CHCHD6: variants seen among roughly 807,000 people sequenced by gnomAD.
The protein encoded by CHCHD6 is MICOS complex subunit MIC25.
In CHCHD6, 28 loss-of-function variants were observed where a neutral mutation model predicts 32.3. That is an observed-to-expected ratio of 0.87 (90% confidence interval 0.64 to 1.19). The LOEUF is 1.19. CHCHD6 is among the 50% of genes most tolerant of loss of function. The probability of loss-of-function intolerance (pLI) is 0.00; values close to 1 mark genes in which losing one functional copy is unlikely to be tolerated. For missense variants in CHCHD6, 333 were observed against 307.0 expected (o/e 1.08, Z -0.63); for synonymous variants, 122 against 117.5 (o/e 1.04, Z -0.25).
chr3:126,846,492 C>A (rs1559877852), intron 4 of CHCHD6, among the ~76,000 whole-genome samples: 1 of 152,128 alleles, frequency 6.6e-6, no homozygotes, highest in Non-Finnish European at 1.5e-5. Context: ...AAGGGATCCA[C>A]ACTTAAGTAC....
chr3:126,953,374 G>T (rs1273211555), intron 6 of CHCHD6, among the ~76,000 whole-genome samples: 2 of 152,202 alleles, frequency 1.3e-5, no homozygotes, highest in Non-Finnish European at 2.9e-5. Context: ...CAGAGCTTAC[G>T]CTGTAGAGGG....
chr3:126,908,209 C>T (rs1157634802), intron 5 of CHCHD6, among the ~76,000 whole-genome samples: 2 of 152,148 alleles, frequency 1.3e-5, no homozygotes, highest in African/African-American at 4.8e-5. Flanking sequence ...CTGTTTGGCT[C>T]CTGCATTCTC....
At chr3:126,709,172 A>T (rs1934639839) in intron 1 of CHCHD6, among the ~76,000 whole-genome samples, 1 of 152,054 alleles carries the variant, frequency 6.6e-6, no homozygotes, top group Non-Finnish European at 1.5e-5. Context: ...CTTTTTCTCA[A>T]ATGTTTTCCT....
chr3:126,816,804 C>A (rs1019876427), intron 4 of CHCHD6, among the ~76,000 whole-genome samples: 3 of 151,958 alleles, frequency 2.0e-5, no homozygotes, highest in Non-Finnish European at 4.4e-5. Flanking sequence ...TGTTGGTGTG[C>A]TGCACCCGTT....
intron 4 of CHCHD6, among the ~76,000 whole-genome samples, chr3:126,770,223 T>C (rs1937519307): frequency 6.6e-6 from 1 of 152,220 alleles, no homozygotes; most frequent in Non-Finnish European, 1.5e-5. Context: ...AAGTTGTTTA[T>C]CAGATCAGGG....
chr3:126,857,856 G>C (rs139544452), intron 5 of CHCHD6, among the ~76,000 whole-genome samples: 1 of 152,350 alleles, frequency 6.6e-6, no homozygotes, highest in South Asian at 2.1e-4. Flanking sequence ...CATTGGTGGA[G>C]TGTAAGTTGG....
chr3:126,787,019 A>T (rs929714259), intron 4 of CHCHD6, among the ~76,000 whole-genome samples: 14 of 152,210 alleles, frequency 9.2e-5, no homozygotes, highest in African/African-American at 3.1e-4. Context: ...TAAGGAAAGG[A>T]TCCAGTTTCA....
At chr3:126,723,605 A>G (rs1009804609) in intron 1 of CHCHD6, among the ~76,000 whole-genome samples, 2 of 152,214 alleles carry the variant, frequency 1.3e-5, no homozygotes, top group African/African-American at 4.8e-5. Flanking sequence ...TTTCCGTGAC[A>G]GTGTATGTGT....
At chr3:126,778,616 C>A (rs988240502) in intron 4 of CHCHD6, among the ~76,000 whole-genome samples, 4 of 152,100 alleles carry the variant, frequency 2.6e-5, no homozygotes, top group Admixed American at 1.3e-4. Flanking sequence ...GATTATTTGT[C>A]TTTTTGCTGT....
chr3:126,809,856 C>T (rs1028324574), intron 4 of CHCHD6, among the ~76,000 whole-genome samples: 4 of 152,158 alleles, frequency 2.6e-5, no homozygotes, highest in Non-Finnish European at 5.9e-5. Flanking sequence ...TCAATTTTAG[C>T]AGAATTCATG....
intron 5 of CHCHD6, among the ~76,000 whole-genome samples, chr3:126,873,957 T>C (rs1026574033): frequency 6.6e-6 from 1 of 152,206 alleles, no homozygotes. Flanking sequence ...CTTGCCTCCA[T>C]TGTTGAAGCT....
chr3:126,803,700 C>T (rs1272615704), intron 4 of CHCHD6, among the ~76,000 whole-genome samples: 1 of 152,008 alleles, frequency 6.6e-6, no homozygotes, highest in East Asian at 1.9e-4. Context: ...GAACTTGGCT[C>T]TGCCAAGCAG....
intron 4 of CHCHD6, among the ~76,000 whole-genome samples, chr3:126,816,774 A>G (rs1310116465): frequency 6.6e-6 from 1 of 152,080 alleles, no homozygotes; most frequent in Non-Finnish European, 1.5e-5. Context: ...CAGGTTTGTT[A>G]CATATGTATA....
intron 5 of CHCHD6, among the ~76,000 whole-genome samples, chr3:126,863,380 TCTA>T (rs1216640601): frequency 2.4e-5 from 2 of 82,296 alleles, no homozygotes; most frequent in African/African-American, 1.0e-4. Flanking sequence ...CTCCTCCTCC[TCTA>T]CCATCACCAC....
At chr3:126,753,016 C>T (rs1936793391) in intron 4 of CHCHD6, among the ~76,000 whole-genome samples, 1 of 152,120 alleles carries the variant, frequency 6.6e-6, no homozygotes, top group African/African-American at 2.4e-5. Flanking sequence ...GGACTGCTTC[C>T]CCAGCTGGCA....
intron 4 of CHCHD6, among the ~76,000 whole-genome samples, chr3:126,757,692 C>A (rs1229033724): frequency 2.6e-5 from 4 of 152,126 alleles, no homozygotes; most frequent in Non-Finnish European, 4.4e-5. Context: ...AAACTTAATA[C>A]CTTCTGGACA....
chr3:126,832,551 C>G (rs1940687957), intron 4 of CHCHD6, among the ~76,000 whole-genome samples: 2 of 152,202 alleles, frequency 1.3e-5, no homozygotes. Flanking sequence ...GCTTAAACCT[C>G]TCAGATTCTG....
chr3:126,767,450 T>C (rs1937421655), intron 4 of CHCHD6: 3 of 665,530 alleles, frequency 4.5e-6, no homozygotes, highest in Admixed American at 2.3e-5. Flanking sequence ...CCCTTTCTCA[T>C]TCCTAGATTT....
At chr3:126,950,117 T>TGCACAGATGATGGGAAAAGAAGGCC (rs1559939514) in intron 6 of CHCHD6, among the ~76,000 whole-genome samples, 1 of 152,030 alleles carries the variant, frequency 6.6e-6, no homozygotes, top group Non-Finnish European at 1.5e-5. Flanking sequence ...TTCTCATTCC[T>TGCACAGATGATGGGAAAAGAAGGCC]GCACAGATGA....
Sources: allele counts gnomAD v4.1 joint callset (sites outside exome capture counted in the v4.1 genomes callset), GRCh38; gene constraint gnomAD v4.1.1; transcripts MANE v1.5; gene names NCBI Gene and HGNC (gene_info 2026-07-23, HGNC 2026-07-21).